The following PDZRN4 variants were observed in gnomAD, a reference collection of about 807,000 sequenced individuals.
PDZRN4 encodes the protein PDZ domain containing ring finger 4, also known as PDZ domain-containing RING finger protein 4.
PDZRN4 carries 70 observed loss-of-function variants against 99.0 expected under a neutral mutation model. That is an observed-to-expected ratio of 0.71 (90% CI 0.58 to 0.86). The LOEUF is 0.86. Among genes scored for constraint, PDZRN4 ranks in the 40% least tolerant of loss-of-function variants. The probability of loss-of-function intolerance (pLI) is 0.00; values close to 1 mark genes in which losing one functional copy is unlikely to be tolerated. For missense variants in PDZRN4, 1,474 were observed against 1,331.2 expected (o/e 1.11, Z -1.67); for synonymous variants, 551 against 501.6 (o/e 1.10, Z -1.32).
At chr12:41,461,065 TC>T (rs1952868963) in intron 3 of PDZRN4, among the ~76,000 whole-genome samples, 1 of 152,176 alleles carries the variant, frequency 6.6e-6, no homozygotes, top group Admixed American at 6.5e-5. Context: ...TGCAGCAGTT[TC>T]CCTGGGCCTT....
rs74078885 is a variant in PDZRN4, at chr12:41,468,078, G to C, written c.844-38378G>C. 5.5e-3 allele frequency among the ~76,000 whole-genome samples: 836 copies of C among 152,276 alleles called. 5 individuals carry two copies. The highest frequency in any genetic ancestry group is 0.01 in the Middle Eastern group (3 of 294). On this transcript the variant is annotated intron_variant, in intron 3 of 9. Transcript: ENST00000402685. The stretch of plus-strand genomic sequence containing the variant: ...CATGGTCTTACATTTCTCCTCAAAT[G>C]AAACAGGAAACAGCATACAAATATT...
intron 6 of PDZRN4, among the ~76,000 whole-genome samples, chr12:41,554,811 G>A (rs950555882): frequency 4.0e-5 from 6 of 149,322 alleles, no homozygotes; most frequent in South Asian, 2.1e-4. Flanking sequence ...TCAGATGTGC[G>A]TGTGTGTGTA....
intron 9 of PDZRN4, among the ~76,000 whole-genome samples, chr12:41,569,830 A>G (rs1388297007): frequency 6.6e-6 from 1 of 152,222 alleles, no homozygotes; most frequent in South Asian, 2.1e-4. Context: ...ACAGAATTTC[A>G]TGCTCACAAG....
At chr12:41,387,454 G>T (rs781353884) in intron 3 of PDZRN4, among the ~76,000 whole-genome samples, 1 of 152,034 alleles carries the variant, frequency 6.6e-6, no homozygotes, top group South Asian at 2.1e-4. Context: ...GGGTGGCAGC[G>T]TGTGCCTGTA....
chr12:41,273,097 T>C (rs1191211844), intron 3 of PDZRN4, among the ~76,000 whole-genome samples: 1 of 152,022 alleles, frequency 6.6e-6, no homozygotes, highest in African/African-American at 2.4e-5. Context: ...TAAGCAATCA[T>C]GGGTATGGAA....
At chr12:41,361,436 C>G (rs1371250881) in intron 3 of PDZRN4, among the ~76,000 whole-genome samples, 2 of 151,940 alleles carry the variant, frequency 1.3e-5, no homozygotes, top group Non-Finnish European at 2.9e-5. Context: ...ATTGAGCTTG[C>G]TTGTTATGAG....
At chr12:41,422,073 G>A (rs1368103305) in intron 3 of PDZRN4, among the ~76,000 whole-genome samples, 1 of 152,004 alleles carries the variant, frequency 6.6e-6, no homozygotes, top group Non-Finnish European at 1.5e-5. Context: ...AGAGTCTCTT[G>A]GCTCATTATC....
Position 41,189,213 on chromosome 12 carries a change from T to A in PDZRN4, c.648+110T>A. The A allele has an allele frequency of 1.6e-5, 16 of 1,023,972 alleles. No homozygotes were observed. In the South Asian group the frequency reaches 2.2e-4, roughly 14 times the overall value. The allele number at this position is 1,023,972 out of a possible 1,614,324, so 63.4% of individuals were successfully genotyped here. On this transcript the variant is annotated intron_variant, in intron 1 of 9. Transcript: ENST00000402685. ...TGGAATTGGGCATCCTTCCTCACTATGCAGCAGGAAACATCCACACCCTGA... is the reference window on the plus strand; with the variant it reads ...TGGAATTGGGCATCCTTCCTCACTAAGCAGCAGGAAACATCCACACCCTGA...
chr12:41,287,460 A>G (rs867572634), intron 3 of PDZRN4, among the ~76,000 whole-genome samples: 7 of 152,336 alleles, frequency 4.6e-5, no homozygotes, highest in Middle Eastern at 6.8e-3. Context: ...ATTCCTTTGT[A>G]TATGGTGTTA....
intron 3 of PDZRN4, among the ~76,000 whole-genome samples, chr12:41,467,916 C>A (rs775824120): frequency 6.6e-6 from 1 of 152,156 alleles, no homozygotes; most frequent in Non-Finnish European, 1.5e-5. Context: ...ACTCTTTTCC[C>A]CCTGTAAATT....
chr12:41,533,180 CT>C (rs56755593), intron 5 of PDZRN4, among the ~76,000 whole-genome samples: 155 of 144,756 alleles, frequency 1.1e-3, no homozygotes, highest in Non-Finnish European at 8.5e-4. Flanking sequence ...TTTTTCTTTT[CT>C]TTTTTTTTTT....
At chr12:41,483,201 A>G (rs1178135936) in intron 3 of PDZRN4, among the ~76,000 whole-genome samples, 3 of 152,064 alleles carry the variant, frequency 2.0e-5, no homozygotes, top group Non-Finnish European at 4.4e-5. Flanking sequence ...CTCCACAACC[A>G]AAGTTGATTA....
At chr12:41,304,985 G>T (rs1378681963) in intron 3 of PDZRN4, among the ~76,000 whole-genome samples, 8 of 152,226 alleles carry the variant, frequency 5.3e-5, no homozygotes, top group Non-Finnish European at 1.0e-4. Flanking sequence ...TTGCAGACAG[G>T]CAAGAATAGC....
chr12:41,373,669 T>C (rs1442976604), intron 3 of PDZRN4, among the ~76,000 whole-genome samples: 2 of 151,992 alleles, frequency 1.3e-5, no homozygotes, highest in Non-Finnish European at 2.9e-5. Flanking sequence ...AAACAATTTG[T>C]GCAGTTAATG....
intron 3 of PDZRN4, among the ~76,000 whole-genome samples, chr12:41,420,805 G>T (rs964111433): frequency 6.6e-6 from 1 of 151,800 alleles, no homozygotes; most frequent in Non-Finnish European, 1.5e-5. Flanking sequence ...TTTTAAATAC[G>T]TGTTAGTGAT....
intron 3 of PDZRN4, among the ~76,000 whole-genome samples, chr12:41,221,544 C>T (rs1950956151): frequency 6.6e-6 from 1 of 151,664 alleles, no homozygotes. Flanking sequence ...CTGTGTTTGG[C>T]AAAATGTCAC....
chr12:41,446,657 GA>G (rs1311101535), intron 3 of PDZRN4, among the ~76,000 whole-genome samples: 1 of 151,576 alleles, frequency 6.6e-6, no homozygotes, highest in Admixed American at 6.6e-5. Context: ...GAAGCATAAG[GA>G]AAAAAAGAAG....
At chr12:41,485,594 T>C (rs1937760403) in intron 3 of PDZRN4, among the ~76,000 whole-genome samples, 1 of 152,158 alleles carries the variant, frequency 6.6e-6, no homozygotes, top group Non-Finnish European at 1.5e-5. Flanking sequence ...GTTTTATTTC[T>C]ATATGAGGTT....
chr12:41,298,972 T>C (rs1323001993), intron 3 of PDZRN4, among the ~76,000 whole-genome samples: 1 of 152,114 alleles, frequency 6.6e-6, no homozygotes, highest in Non-Finnish European at 1.5e-5. Context: ...GCATCCCCCT[T>C]TGGCCTTGTT....
Sources: gnomAD v4.1 joint callset for allele counts (sites outside exome capture counted in the v4.1 genomes callset) on GRCh38, gnomAD v4.1.1 for gene constraint, MANE v1.5 for transcripts, NCBI Gene and HGNC (gene_info 2026-07-23, HGNC 2026-07-21) for gene names.